Variants in ATP9B observed in about 807,000 individuals in gnomAD.
The protein encoded by ATP9B is ATPase phospholipid transporting 9B, also known as probable phospholipid-transporting ATPase IIB.
Under a neutral mutation model 146.1 loss-of-function variants are expected in ATP9B, and 110 were observed. The ratio of observed to expected loss-of-function variants is 0.75; its 90% CI spans 0.65 to 0.88. The LOEUF (loss-of-function observed/expected upper bound fraction) is 0.88, where lower values mean the gene tolerates loss of function less well. ATP9B is among the 40% of genes least tolerant of loss of function. ATP9B has a pLI of 0.00. For missense variants in ATP9B, 1,499 were observed against 1,496.4 expected (o/e 1.00, Z -0.03); for synonymous variants, 604 against 569.7 (o/e 1.06, Z -0.86).
At chr18:79,119,789 G>C (rs895390876) in intron 4 of ATP9B, among the ~76,000 whole-genome samples, 13 of 152,144 alleles carry the variant, frequency 8.5e-5, no homozygotes, top group Non-Finnish European at 4.4e-5. Context: ...TGAATAGTAT[G>C]CTTTCTCTGT....
At chr18:79,340,913 C>CGA (rs1373565852) in intron 19 of ATP9B, among the ~76,000 whole-genome samples, 1 of 152,224 alleles carries the variant, frequency 6.6e-6, no homozygotes, top group Admixed American at 6.5e-5. Flanking sequence ...CAAACCCTGA[C>CGA]TGTGTGCCGC....
At chr18:79,200,503 A>G (rs1010088379) in intron 9 of ATP9B, among the ~76,000 whole-genome samples, 3 of 152,234 alleles carry the variant, frequency 2.0e-5, no homozygotes, top group African/African-American at 7.2e-5. Context: ...AGGCAGCAGG[A>G]TGGGTAGCTT....
intron 11 of ATP9B, among the ~76,000 whole-genome samples, chr18:79,220,570 C>T (rs996197007): frequency 6.6e-6 from 1 of 152,082 alleles, no homozygotes; most frequent in Non-Finnish European, 1.5e-5. Flanking sequence ...CACTGCACTC[C>T]AGCCTGGGCA....
At chr18:79,141,395 G>C (rs2094512105) in intron 5 of ATP9B, among the ~76,000 whole-genome samples, 1 of 152,088 alleles carries the variant, frequency 6.6e-6, no homozygotes. Flanking sequence ...GGTGAGAACA[G>C]ACTAATATAC....
rs529831501 is a variant in ATP9B, at chr18:79,207,231, CAG to C, written c.1030+220_1030+221del. Among the ~76,000 whole-genome samples, 595 of 152,308 alleles carry C rather than the reference CAG, an allele frequency of 3.9e-3. 6 individuals are homozygous for C. The highest frequency in any genetic ancestry group is 5.2e-3 in the Non-Finnish European group (357 of 68,024). ...TGCACGTGGTTCGCAAGGCCTGAGA[CAG>C]GGAGAGGTGCTGCAGCCTTCGTGCA... On this transcript the variant is annotated intron_variant, in intron 10 of 29. Transcript: ENST00000426216.
chr18:79,192,617 A>G (rs2095378612), intron 8 of ATP9B, among the ~76,000 whole-genome samples: 1 of 152,204 alleles, frequency 6.6e-6, no homozygotes, highest in African/African-American at 2.4e-5. Flanking sequence ...GAAAGTAGCC[A>G]TGATGTGTGT....
chr18:79,081,218 G>C (rs139556564), intron 1 of ATP9B, among the ~76,000 whole-genome samples: 129 of 152,180 alleles, frequency 8.5e-4, no homozygotes, highest in Non-Finnish European at 1.6e-3. Flanking sequence ...TTGTACTTCT[G>C]GTAGAATTTG....
intron 26 of ATP9B, 182 bp from the exon 27 acceptor site, chr18:79,372,643 T>A: frequency 3.0e-6 from 2 of 677,568 alleles, no homozygotes; most frequent in Non-Finnish European, 5.4e-6. Flanking sequence ...CCCAGGCAGC[T>A]TCTTCAGGAT....
chr18:79,315,873 T>C (rs1158513732), intron 15 of ATP9B, among the ~76,000 whole-genome samples: 1 of 152,226 alleles, frequency 6.6e-6, no homozygotes, highest in Non-Finnish European at 1.5e-5. Flanking sequence ...CCCACTTACA[T>C]ATATTTTTTT....
At chr18:79,318,049 T>C (rs1289426770) in intron 15 of ATP9B, among the ~76,000 whole-genome samples, 1 of 152,134 alleles carries the variant, frequency 6.6e-6, no homozygotes, top group Non-Finnish European at 1.5e-5. Flanking sequence ...GCCCATAGTA[T>C]GAAACAAATA....
rs180788413 is a variant in ATP9B, at chr18:79,150,122, A to G, written c.727-4382A>G. ...AAATAAACACATGAGCAGGAATTCA[A>G]CATCATTAGTCATCAGGAAATGCAA... On this transcript the variant is annotated intron_variant, in intron 6 of 29. Coordinates refer to ENST00000426216, the MANE Select transcript of ATP9B (RefSeq NM_198531.5). Among the ~76,000 whole-genome samples the G allele has an allele frequency of 3.2e-4, 48 of 152,234 alleles. No homozygotes were observed. In the East Asian group the frequency reaches 8.7e-3, roughly 28 times the overall value.
chr18:79,332,346 G>A (rs977260376), intron 17 of ATP9B, among the ~76,000 whole-genome samples: 1 of 152,126 alleles, frequency 6.6e-6, no homozygotes, highest in Non-Finnish European at 1.5e-5. Context: ...GGAGAATGGC[G>A]TGAACCCGGG....
At chr18:79,289,660 T>C (rs1488503503) in intron 13 of ATP9B, among the ~76,000 whole-genome samples, 1 of 152,252 alleles carries the variant, frequency 6.6e-6, no homozygotes, top group Non-Finnish European at 1.5e-5. Flanking sequence ...GGTGCGGAAC[T>C]GTGTTCCTTT....
rs116785087 is a variant in ATP9B, at chr18:79,338,356, G to A, written c.2283+907G>A. ...TTTGTTCTCTCCCAGCACCTTCTCC[G>A]TAGCTGGAGGACACCCCCTCTACCT... On this transcript the variant is annotated intron_variant, in intron 19 of 29. Coordinates refer to ENST00000426216, the MANE Select transcript of ATP9B (RefSeq NM_198531.5). Among the ~76,000 whole-genome samples, 258 of 152,222 alleles carry A rather than the reference G, an allele frequency of 1.7e-3. 3 individuals are homozygous for A. Among genetic ancestry groups the A allele is most frequent in the African/African-American group, 5.8e-3 (239 of 41,536 alleles).
chr18:79,292,056 G>C (rs1419108395), intron 13 of ATP9B, among the ~76,000 whole-genome samples: 1 of 152,212 alleles, frequency 6.6e-6, no homozygotes, highest in African/African-American at 2.4e-5. Flanking sequence ...GTATTGTAGT[G>C]TATATCAGTA....
intron 11 of ATP9B, among the ~76,000 whole-genome samples, chr18:79,242,320 G>C (rs2095897427): frequency 6.6e-6 from 1 of 152,172 alleles, no homozygotes; most frequent in African/African-American, 2.4e-5. Flanking sequence ...TATTTTACTT[G>C]TAATTTAGAG....
At chr18:79,370,566 A>AG (rs2097063360) in intron 26 of ATP9B, among the ~76,000 whole-genome samples, 1 of 152,242 alleles carries the variant, frequency 6.6e-6, no homozygotes, top group Admixed American at 6.5e-5. Context: ...CATCAAATAT[A>AG]ACAGGATTTT....
At chr18:79,374,631 C>G (rs1021857775) in intron 28 of ATP9B, among the ~76,000 whole-genome samples, 3 of 152,274 alleles carry the variant, frequency 2.0e-5, no homozygotes, top group Non-Finnish European at 4.4e-5. Flanking sequence ...GGGAGGTGAA[C>G]ACAGCCGCGT....
chr18:79,253,048 G>A (rs1303957361), intron 11 of ATP9B, among the ~76,000 whole-genome samples: 1 of 152,324 alleles, frequency 6.6e-6, no homozygotes, highest in Non-Finnish European at 1.5e-5. Flanking sequence ...CCCCTGCTGC[G>A]CGCCGAGCAA....
Sources: gnomAD v4.1 joint callset for allele counts (sites outside exome capture counted in the v4.1 genomes callset) on GRCh38, gnomAD v4.1.1 for gene constraint, MANE v1.5 for transcripts, NCBI Gene and HGNC (gene_info 2026-07-23, HGNC 2026-07-21) for gene names.